The following TTN variants were observed in gnomAD, a reference collection of about 807,000 sequenced individuals.
The protein encoded by TTN is titin, also known as connectin.
A neutral mutation model predicts 3,223.0 loss-of-function variants in TTN; 1,525 were observed. The ratio of observed to expected loss-of-function variants is 0.47; its 90% CI spans 0.45 to 0.49. TTN has a LOEUF of 0.49. TTN is among the 20% of genes least tolerant of loss of function. The pLI is 0.00. For missense variants in TTN, 40,786 were observed against 43,424.0 expected, an observed-to-expected ratio of 0.94 and a Z score of 5.40; for synonymous variants, 14,094 against 15,161.0, an observed-to-expected ratio of 0.93 and a Z score of 5.17.
chr2:178,569,227 A>G lies in TTN; in HGVS notation c.76905T>C (p.Asn25635=). 1 of 1,603,852 alleles carries G rather than the reference A, an allele frequency of 6.2e-7. No individual in the cohort carries two copies. The highest frequency in any genetic ancestry group is 1.1e-5 in the South Asian group (1 of 89,526). Residue 25635 remains asparagine, a synonymous_variant, in exon 326 of 363, where the codon AAT becomes AAC. Coordinates refer to ENST00000589042, the MANE Select transcript of TTN (RefSeq NM_001267550.2). ...TGGCTTCACGTTTCTCAACAATGTA[A>G]TTTTTTATTTTGGATCCCCCATCCA... The part of the protein sequence containing the change: ...PLLDGGSKIK[N]YIVEKREATR...
In TTN at chr2:178,568,762, A is replaced by C; in HGVS notation, c.77370T>G (p.Val25790=). 6.2e-7 allele frequency: 1 copy of C among 1,612,868 alleles called. No homozygotes were observed. The highest frequency in any genetic ancestry group is 8.5e-7 in the Non-Finnish European group (1 of 1,179,260). Reference sequence around the variant, plus strand: ...CTGGCTCAATTACCAGATCTTTGGCAACTATTGGAACTGCAAGGGACCGAG... The same window carrying C: ...CTGGCTCAATTACCAGATCTTTGGCCACTATTGGAACTGCAAGGGACCGAG... The part of the protein sequence containing the change: ...SDPRSLAVPI[V]AKDLVIEPDV... Residue 25790 remains valine, a synonymous_variant, in exon 326 of 363, where the codon GTT becomes GTG. Transcript: ENST00000589042.
chr2:178,687,905 A>G (rs1251361074), intron 127 of TTN, among the ~76,000 whole-genome samples: 2 of 152,206 alleles, frequency 1.3e-5, no homozygotes, highest in African/African-American at 4.8e-5. Context: ...GAAGGGATGC[A>G]GAAGAAATAC....
intron 332 of TTN, 91 bp from the exon 333 acceptor site, chr2:178,554,307 G>A: frequency 2.1e-6 from 3 of 1,456,840 alleles, no homozygotes; most frequent in South Asian, 2.7e-5. Flanking sequence ...AAGAACATTG[G>A]TTTTATTTTT....
intron 335 of TTN, 40 bp downstream of exon 335, chr2:178,551,590 C>A: frequency 1.4e-6 from 2 of 1,476,630 alleles, no homozygotes; most frequent in South Asian, 2.8e-5. Context: ...CTAATATGTT[C>A]AATTGCTAAA....
At chr2:178,791,733 A>G (rs2093514414) in intron 10 of TTN, among the ~76,000 whole-genome samples, 1 of 150,136 alleles carries the variant, frequency 6.7e-6, no homozygotes, top group Admixed American at 6.6e-5. Flanking sequence ...AATCTAAGTG[A>G]CTGAGGGCTT....
Position 178,722,465 on chromosome 2 carries a change from C to G in TTN, c.22322G>C (p.Arg7441Pro). 6.2e-7 allele frequency: 1 copy of G among 1,613,412 alleles called. No individual in the cohort carries two copies. The highest frequency in any genetic ancestry group is 8.5e-7 in the Non-Finnish European group (1 of 1,179,540). Residue 7441 changes from arginine (R) to proline (P), a missense_variant, in exon 77 of 363, where the codon CGA (arginine) becomes CCA (proline). Transcript: ENST00000589042. The part of the protein sequence containing the change: ...TVGLPVTLTC[R>P]LNGSAPIQVC... ...TTGGATGGGTGCAGAGCCATTTAAT[C>G]GACAAGTGAGTGTAACAGGTAACCC...
At chr2:178,677,335 C>CATATACATATACATATATATATATAT (rs71393434) in intron 146 of TTN, 48 bp from the exon 147 acceptor site, 1 of 239,512 alleles carries the variant, frequency 4.2e-6, no homozygotes, top group Admixed American at 8.4e-5. Context: ...TATACATGGT[C>CATATACATATACATATATATATATAT]ATATATATAT....
Position 178,725,608 on chromosome 2 carries a change from C to T in TTN, c.20596G>A (p.Val6866Ile). 1 of 1,607,294 alleles carries T rather than the reference C, an allele frequency of 6.2e-7. No homozygotes were observed. Among genetic ancestry groups the T allele is most frequent in the Non-Finnish European group, 8.5e-7 (1 of 1,176,618 alleles). The stretch of plus-strand genomic sequence containing the variant: ...TGTAATTCAGCAGGCTCTCCGGCTA[C>T]AACAGTGAGGCTGTTCAGTTTGGAG... ...FVSKLNSLTV[V>I]AGEPAELQAS... The change falls in exon 71 of 363, where the codon GTA becomes ATA. Residue 6866 changes from valine (V) to isoleucine (I), a missense_variant. Coordinates refer to ENST00000589042, the MANE Select transcript of TTN (RefSeq NM_001267550.2).
intron 43 of TTN, among the ~76,000 whole-genome samples, chr2:178,761,271 T>C (rs1374447004): frequency 1.3e-5 from 2 of 152,154 alleles, no homozygotes; most frequent in Non-Finnish European, 2.9e-5. Context: ...CCATCCCTTC[T>C]TTCCCTATCA....
chr2:178,747,150 A>C (rs2083868915), intron 47 of TTN: 1 of 1,608,360 alleles, frequency 6.2e-7, no homozygotes, highest in Non-Finnish European at 8.5e-7. Flanking sequence ...GGTGTGGAAT[A>C]TCTCTCTAGA....
chr2:178,640,370 T>C (rs1355864181), intron 221 of TTN, among the ~76,000 whole-genome samples, 171 bp downstream of exon 221: 1 of 151,956 alleles, frequency 6.6e-6, no homozygotes, highest in African/African-American at 2.4e-5. Context: ...ATTTAGCAAC[T>C]GAGTAATCAT....
rs757450750 is a variant in TTN at position 178,585,272 on chromosome 2, T to C, written c.64472A>G (p.Tyr21491Cys). The C allele has an allele frequency of 6.2e-6, 10 of 1,613,082 alleles. No individual in the cohort carries two copies. The Admixed American group carries it at 1.3e-4, about 22-fold the overall frequency. The change falls in exon 309 of 363, where the codon TAT becomes TGT. Residue 21491 changes from tyrosine (Y) to cysteine (C), a missense_variant. Tyr to Cys is a radical substitution (Grantham distance 194). Coordinates refer to ENST00000589042, the MANE Select transcript of TTN (RefSeq NM_001267550.2). ...TTTACAGGTGGGATGAGGCTTTCCA[T>C]ACACATGGGCTTCAATTCGGAGTTT... ...GKKLRIEAHV[Y>C]GKPHPTCKWK...
At chr2:178,646,698 T>A in intron 215 of TTN, 139 bp from the exon 216 acceptor site, 1 of 563,692 alleles carries the variant, frequency 1.8e-6, no homozygotes, top group East Asian at 2.8e-5. Flanking sequence ...TATAGAAAAA[T>A]TCACGTATAA....
rs794729243 is a variant in TTN at position 178,589,578 on chromosome 2, T to G, written c.62147A>C (p.Glu20716Ala). ...ERRLKGSDDW[E>A]RVHKGSIKET... ...TTTAATGCTTCCTTTATGCACTCTT[T>G]CCCAGTCATCGGAGCCCTTAAGCCT... The change falls in exon 304 of 363, where the codon GAA becomes GCA. Residue 20716 changes from glutamate to alanine, a missense_variant. Glu to Ala is a moderately radical substitution (Grantham distance 107). Coordinates refer to ENST00000589042, the MANE Select transcript of TTN (RefSeq NM_001267550.2). 1.9e-6 allele frequency: 3 copies of G among 1,613,308 alleles called. No individual in the cohort carries two copies. Among genetic ancestry groups the G allele is most frequent in the Non-Finnish European group, 1.7e-6 (2 of 1,179,618 alleles).
At position 178,717,811 on chromosome 2, in the gene TTN, C is replaced by T; in HGVS notation, c.25064-1G>A. 6.2e-7 allele frequency: 1 copy of T among 1,601,040 alleles called. No homozygotes were observed. Among genetic ancestry groups the T allele is most frequent in the African/African-American group, 1.3e-5 (1 of 74,256 alleles). ...GCAAAGAAAGGTGGAAGTTTGCGCG[C>T]TGTAAAGAAGTTACAGATAATCCTT... On this transcript the variant is annotated splice_acceptor_variant, in intron 86 of 362. Coordinates refer to ENST00000589042, the MANE Select transcript of TTN (RefSeq NM_001267550.2). LOFTEE classifies it high-confidence loss of function.
rs543334845 is a variant in TTN at position 178,712,826 on chromosome 2, C to T, written c.27199G>A (p.Val9067Met). ...TCAGCAACTGAATCCTCCAAAGACACGTTGCATCTGTCACCTGGTACTAGT... is the reference window on the plus strand; with the variant it reads ...TCAGCAACTGAATCCTCCAAAGACATGTTGCATCTGTCACCTGGTACTAGT... ...SELVPGDRCN[V>M]SLEDSVAELE... The change falls in exon 94 of 363, where the codon GTG (valine) becomes ATG (methionine). Residue 9067 changes from valine (V) to methionine (M), a missense_variant. Coordinates refer to ENST00000589042, the MANE Select transcript of TTN (RefSeq NM_001267550.2). 5 of 1,613,772 alleles carry T rather than the reference C, an allele frequency of 3.1e-6. No homozygotes were observed. The South Asian group carries it at 5.5e-5, about 18-fold the overall frequency.
Position 178,605,410 on chromosome 2 carries a change from G to C in TTN, c.53881+4C>G. The C allele has an allele frequency of 6.3e-7, 1 of 1,575,306 alleles. No individual in the cohort carries two copies. Among genetic ancestry groups the C allele is most frequent in the Non-Finnish European group, 8.6e-7 (1 of 1,161,390 alleles). ...AAAATTATTATTATATTCAGATTCC[G>C]CACCTTCATCATCTTGTATGACTAC... On this transcript the variant is annotated splice_donor_region_variant and intron_variant, in intron 279 of 362. Transcript: ENST00000589042.
chr2:178,667,027 C>G, intron 162 of TTN, 126 bp from the exon 163 acceptor site: 1 of 946,614 alleles, frequency 1.1e-6, no homozygotes, highest in Non-Finnish European at 1.5e-6. Flanking sequence ...TATTTTTGTT[C>G]TAATATTTTA....
rs2090846146 is a variant in TTN, at chr2:178,768,156, C to T, written c.9164-1G>A. 2 of 1,613,912 alleles carry T rather than the reference C, an allele frequency of 1.2e-6. No individual in the cohort carries two copies. The highest frequency in any genetic ancestry group is 8.5e-7 in the Non-Finnish European group (1 of 1,179,962). ...TGTTTCCTAAATTCTATATGACGAG[C>T]TGGAAAATAGCATGTAGAAAAATTA... On this transcript the variant is annotated splice_acceptor_variant, in intron 38 of 362. Transcript: ENST00000589042. LOFTEE classifies it high-confidence loss of function.
Sources: allele counts gnomAD v4.1 joint callset (sites outside exome capture counted in the v4.1 genomes callset), GRCh38; gene constraint gnomAD v4.1.1; transcripts MANE v1.5; gene names NCBI Gene and HGNC (gene_info 2026-07-23, HGNC 2026-07-21).